The following PLA2G4E variants were observed in gnomAD, a reference collection of about 807,000 sequenced individuals.
PLA2G4E encodes phospholipase A2 group IVE.
PLA2G4E carries 84 observed loss-of-function variants against 109.1 expected under a neutral mutation model. The ratio of observed to expected loss-of-function variants is 0.77; its 90% CI spans 0.65 to 0.92. The LOEUF (loss-of-function observed/expected upper bound fraction) is 0.92. Among genes scored for constraint, PLA2G4E ranks in the 40% least tolerant of loss-of-function variants. PLA2G4E has a pLI of 0.00. For missense variants in PLA2G4E, 1,057 were observed against 1,076.6 expected, an observed-to-expected ratio of 0.98 and a Z score of 0.25; for synonymous variants, 469 against 436.1, an observed-to-expected ratio of 1.08 and a Z score of -0.94.
intron 2 of PLA2G4E, among the ~76,000 whole-genome samples, chr15:42,013,446 G>A (rs2141056756): frequency 6.6e-6 from 1 of 152,356 alleles, no homozygotes; most frequent in African/African-American, 2.4e-5. Flanking sequence ...GTAGCGCCGA[G>A]GGAACAGCAT....
At chr15:42,029,691 G>A (rs116751961) in intron 1 of PLA2G4E, among the ~76,000 whole-genome samples, 202 of 152,282 alleles carry the variant, frequency 1.3e-3, no homozygotes, top group African/African-American at 4.8e-3. Flanking sequence ...ATGGACTTGG[G>A]TAAGTTTATC....
exon 17 of PLA2G4E, chr15:41,987,285 G>C: frequency 6.2e-7 from 1 of 1,614,002 alleles, no homozygotes; most frequent in Non-Finnish European, 8.5e-7. Flanking sequence ...TTCTCGGAAA[G>C]AATTGGACAG....
intron 13 of PLA2G4E, among the ~76,000 whole-genome samples, chr15:41,991,603 G>A (rs6493016): frequency 0.056 from 8,583 of 152,200 alleles, 830 homozygotes; most frequent in African/African-American, 0.2. Flanking sequence ...ATTTGCCAGC[G>A]CAGTTCCTGG....
chr15:41,990,080 C>T (rs1252206835), intron 14 of PLA2G4E, 41 bp downstream of exon 14: 5 of 1,556,438 alleles, frequency 3.2e-6, no homozygotes, highest in Non-Finnish European at 3.5e-6. Flanking sequence ...AAGAAGTCCC[C>T]CCCTCCACCC....
chr15:42,030,127 T>A (rs1030209838), intron 1 of PLA2G4E, among the ~76,000 whole-genome samples: 8 of 151,364 alleles, frequency 5.3e-5, no homozygotes, highest in African/African-American at 1.9e-4. Flanking sequence ...GTGGCATGAG[T>A]AAAGGAATGA....
chr15:42,009,526 C>T (rs968599635), intron 2 of PLA2G4E, among the ~76,000 whole-genome samples: 2 of 152,216 alleles, frequency 1.3e-5, no homozygotes, highest in African/African-American at 4.8e-5. Context: ...GGGCTCCCTT[C>T]TGCCCTCAGG....
chr15:42,011,008 C>A (rs2068530203), intron 2 of PLA2G4E, among the ~76,000 whole-genome samples: 1 of 152,238 alleles, frequency 6.6e-6, no homozygotes, highest in Non-Finnish European at 1.5e-5. Flanking sequence ...TCGGGATAGT[C>A]TTAATCTAAC....
At position 42,004,931 on chromosome 15, in the gene PLA2G4E, T is replaced by A; in HGVS notation, c.566+7A>T. ...CTTGGTGGGCCCCGGGGCCTGGGCC[T>A]ACTCACCTCTCCTCCAGCAGGAACT... On this transcript the variant is annotated splice_region_variant and intron_variant, in intron 5 of 19. Transcript: ENST00000399518. 1 of 1,613,116 alleles carries A rather than the reference T, an allele frequency of 6.2e-7. No homozygotes were observed. Among genetic ancestry groups the A allele is most frequent in the Non-Finnish European group, 8.5e-7 (1 of 1,179,698 alleles).
intron 1 of PLA2G4E, among the ~76,000 whole-genome samples, chr15:42,016,448 C>A: frequency 6.6e-6 from 1 of 151,960 alleles, no homozygotes. Context: ...AGCAATTCTC[C>A]CTCCTCAGTC....
At position 41,984,587 on chromosome 15, in the gene PLA2G4E, C is replaced by A; in HGVS notation, c.2235G>T (p.Val745=). Residue 745 remains valine (V), a synonymous_variant, in exon 19 of 20, where the codon GTG becomes GTT. Coordinates refer to ENST00000399518, the Ensembl canonical transcript of PLA2G4E. Reference sequence around the variant, plus strand: ...CGTATTTGGGGAAGGGGATGTTCTGCACAGTGCAGTACTCACAGGTTTGTT... The same window carrying A: ...CGTATTTGGGGAAGGGGATGTTCTGAACAGTGCAGTACTCACAGGTTTGTT... 3.1e-6 allele frequency: 5 copies of A among 1,613,534 alleles called. No homozygotes were observed. In the South Asian group the frequency reaches 5.5e-5, roughly 18 times the overall value.
chr15:42,010,023 G>A (rs1318633497), intron 2 of PLA2G4E: 2 of 433,982 alleles, frequency 4.6e-6, no homozygotes, highest in African/African-American at 2.1e-5. Flanking sequence ...ATACATCACT[G>A]CAGATACAGG....
intron 2 of PLA2G4E, 136 bp downstream of exon 2, chr15:42,013,549 T>G: frequency 1.3e-6 from 1 of 760,086 alleles, no homozygotes; most frequent in Non-Finnish European, 2.2e-6. Flanking sequence ...TGCACACACA[T>G]ACACGTATAC....
chr15:42,011,642 A>T (rs550097645), intron 2 of PLA2G4E, among the ~76,000 whole-genome samples: 40 of 152,204 alleles, frequency 2.6e-4, no homozygotes, highest in African/African-American at 9.6e-4. Flanking sequence ...AGATGGGAGG[A>T]TCACCTGAGC....
chr15:42,002,667 T>C (rs1237324735), exon 6 of PLA2G4E: 1 of 1,585,462 alleles, frequency 6.3e-7, no homozygotes, highest in Non-Finnish European at 8.6e-7. Flanking sequence ...CAGCACGCCA[T>C]TGGTGACGAG....
intron 4 of PLA2G4E, 145 bp from the exon 5 acceptor site, chr15:42,005,123 C>T: frequency 1.1e-5 from 10 of 948,396 alleles, no homozygotes; most frequent in Non-Finnish European, 1.6e-5. Flanking sequence ...TGCTTGTGGT[C>T]TCCTCTGCCA....
At chr15:42,012,110 C>T (rs2068542331) in intron 2 of PLA2G4E, among the ~76,000 whole-genome samples, 1 of 152,212 alleles carries the variant, frequency 6.6e-6, no homozygotes. Context: ...TCTCTGGAAT[C>T]CTGCTTGGTC....
At chr15:42,047,655 C>A (rs575188783) in intron 1 of PLA2G4E, among the ~76,000 whole-genome samples, 1 of 152,284 alleles carries the variant, frequency 6.6e-6, no homozygotes, top group South Asian at 2.1e-4. Flanking sequence ...CCACTGTTAC[C>A]CAGTGTGCAC....
rs111489078 is a variant in PLA2G4E, at chr15:42,031,866, T to C, written c.184-18109A>G. ...TGTCAGATGGTTCTAGTCTACCTGATATCATTTGGATGTTTGTCTCCTCCA... is the reference window on the plus strand; with the variant it reads ...TGTCAGATGGTTCTAGTCTACCTGACATCATTTGGATGTTTGTCTCCTCCA... On this transcript the variant is annotated intron_variant, in intron 1 of 19. Coordinates refer to ENST00000399518, the Ensembl canonical transcript of PLA2G4E. 2.8e-3 allele frequency among the ~76,000 whole-genome samples: 427 copies of C among 152,338 alleles called. 3 individuals are homozygous for C. The highest frequency in any genetic ancestry group is 0.01 in the Middle Eastern group (3 of 294).
At chr15:42,029,944 C>T (rs567015466) in intron 1 of PLA2G4E, among the ~76,000 whole-genome samples, 54 of 152,264 alleles carry the variant, frequency 3.5e-4, no homozygotes, top group African/African-American at 1.0e-3. Context: ...AGGACAATCA[C>T]GTCATATATG....
Sources: gnomAD v4.1 joint callset for allele counts (sites outside exome capture counted in the v4.1 genomes callset) on GRCh38, gnomAD v4.1.1 for gene constraint, MANE v1.5 for transcripts, NCBI Gene and HGNC (gene_info 2026-07-23, HGNC 2026-07-21) for gene names.